Variants in EPHB1 observed in about 807,000 individuals in gnomAD.
EPHB1 encodes ephrin type-B receptor 1.
A neutral mutation model predicts 94.4 loss-of-function variants in EPHB1; 30 were observed. The ratio of observed to expected loss-of-function variants is 0.32; its 90% CI spans 0.24 to 0.43. The LOEUF (loss-of-function observed/expected upper bound fraction) is 0.43, where lower values mean the gene tolerates loss of function less well. Among genes scored for constraint, EPHB1 ranks in the 20% least tolerant of loss-of-function variants. The pLI is 1.00. For missense variants in EPHB1, 1,055 were observed against 1,308.3 expected, an observed-to-expected ratio of 0.81 and a Z score of 2.99; for synonymous variants, 522 against 489.1, an observed-to-expected ratio of 1.07 and a Z score of -0.89.
chr3:135,042,736 C>A (rs1344806623), intron 3 of EPHB1, among the ~76,000 whole-genome samples: 2 of 152,358 alleles, frequency 1.3e-5, no homozygotes, highest in Admixed American at 1.3e-4. Context: ...GCCTTATTAT[C>A]TGGTCTGTCC....
chr3:135,002,228 A>G (rs1004295180), intron 3 of EPHB1, among the ~76,000 whole-genome samples: 3 of 152,102 alleles, frequency 2.0e-5, no homozygotes, highest in Middle Eastern at 3.2e-3. Context: ...CCAGAGAGGG[A>G]GGTGATTGAA....
At chr3:134,843,497 A>T (rs2036814035) in intron 1 of EPHB1, among the ~76,000 whole-genome samples, 1 of 151,954 alleles carries the variant, frequency 6.6e-6, no homozygotes, top group Non-Finnish European at 1.5e-5. Context: ...TCCTATCTGG[A>T]AGTTTTTTTA....
intron 4 of EPHB1, among the ~76,000 whole-genome samples, chr3:135,118,141 C>T (rs577269711): frequency 4.6e-5 from 7 of 152,172 alleles, no homozygotes; most frequent in Non-Finnish European, 8.8e-5. Flanking sequence ...CGCCCACACC[C>T]GGGGACAGGG....
chr3:135,191,097 G>A (rs1425935823), intron 10 of EPHB1, among the ~76,000 whole-genome samples: 1 of 126,538 alleles, frequency 7.9e-6, no homozygotes, highest in African/African-American at 3.0e-5. Flanking sequence ...AAAAAAAAAG[G>A]AGTGGAAGGG....
intron 1 of EPHB1, among the ~76,000 whole-genome samples, chr3:134,813,657 T>G (rs1237907897): frequency 6.6e-6 from 1 of 152,200 alleles, no homozygotes; most frequent in Admixed American, 6.5e-5. Flanking sequence ...TTTCTGGTTC[T>G]TGTTGCATTC....
At chr3:134,952,919 G>A (rs566655539) in intron 3 of EPHB1, among the ~76,000 whole-genome samples, 6 of 152,074 alleles carry the variant, frequency 3.9e-5, no homozygotes, top group South Asian at 2.1e-4. Flanking sequence ...AGCTGAACGT[G>A]GGGGAATCCA....
chr3:135,099,139 T>G (rs924958511), intron 3 of EPHB1, among the ~76,000 whole-genome samples: 1 of 152,186 alleles, frequency 6.6e-6, no homozygotes, highest in Admixed American at 6.5e-5. Flanking sequence ...AGCTTTTATC[T>G]TTTGTGTCTT....
chr3:135,203,653 A>G (rs916142903), intron 12 of EPHB1, among the ~76,000 whole-genome samples: 2 of 152,214 alleles, frequency 1.3e-5, no homozygotes, highest in Admixed American at 1.3e-4. Flanking sequence ...CTTTCAGACC[A>G]TAGTTTACCT....
rs2037073051 is a variant in EPHB1, at chr3:134,854,656, G to A, written c.58+58967G>A. ...TCTGAGTAATCGCTTTGTATGTCCT[G>A]TGGACCCCGTGACCCGTGTAACTGA... On this transcript the variant is annotated intron_variant, in intron 1 of 15. Coordinates refer to ENST00000398015, the MANE Select transcript of EPHB1 (RefSeq NM_004441.5). Among the ~76,000 whole-genome samples, 3 of 152,116 alleles carry A rather than the reference G, an allele frequency of 2.0e-5. No individual in the cohort carries two copies. In the South Asian group the frequency reaches 6.2e-4, roughly 32 times the overall value.
intron 3 of EPHB1, among the ~76,000 whole-genome samples, chr3:135,064,908 A>G (rs2107778801): frequency 6.6e-6 from 1 of 152,174 alleles, no homozygotes; most frequent in East Asian, 1.9e-4. Context: ...TTGTGTCACC[A>G]TTGTCCTTCA....
chr3:135,128,468 TCTCATCAGGATGCTAC>T (rs1419194471), intron 4 of EPHB1, among the ~76,000 whole-genome samples: 1 of 152,150 alleles, frequency 6.6e-6, no homozygotes, highest in Non-Finnish European at 1.5e-5. Context: ...AATATGCCCA[TCTCATCAGGATGCTAC>T]GGCACAGACA....
chr3:135,253,975 A>G (rs1933248060), intron 15 of EPHB1, among the ~76,000 whole-genome samples: 1 of 137,234 alleles, frequency 7.3e-6, no homozygotes, highest in African/African-American at 2.7e-5. Context: ...CTTTGAAGCA[A>G]TTGTGAATGG....
At chr3:134,981,358 G>C (rs1242277733) in intron 3 of EPHB1, among the ~76,000 whole-genome samples, 1 of 152,244 alleles carries the variant, frequency 6.6e-6, no homozygotes, top group Non-Finnish European at 1.5e-5. Flanking sequence ...GTTCATCAAG[G>C]GTAGGCAGGT....
chr3:135,161,317 G>A (rs1054793271), intron 6 of EPHB1, among the ~76,000 whole-genome samples: 2 of 152,124 alleles, frequency 1.3e-5, no homozygotes, highest in African/African-American at 4.8e-5. Context: ...AGGTGGGGGG[G>A]ATGAGGACAC....
chr3:134,956,641 G>A (rs1933287917), intron 3 of EPHB1, among the ~76,000 whole-genome samples: 1 of 152,114 alleles, frequency 6.6e-6, no homozygotes, highest in African/African-American at 2.4e-5. Flanking sequence ...TCTTGGCTCT[G>A]CTGCAAACTT....
At chr3:135,042,067 T>C (rs1362449844) in intron 3 of EPHB1, among the ~76,000 whole-genome samples, 1 of 152,214 alleles carries the variant, frequency 6.6e-6, no homozygotes, top group African/African-American at 2.4e-5. Flanking sequence ...TAGCTGAGAC[T>C]ACAGGCCTGC....
At chr3:134,932,902 T>C (rs1418625480) in intron 2 of EPHB1, among the ~76,000 whole-genome samples, 4 of 152,204 alleles carry the variant, frequency 2.6e-5, no homozygotes, top group South Asian at 4.1e-4. Context: ...GAAGGTGGGG[T>C]TGGCCATGAT....
At chr3:134,802,728 A>C (rs2035958441) in intron 1 of EPHB1, among the ~76,000 whole-genome samples, 1 of 152,134 alleles carries the variant, frequency 6.6e-6, no homozygotes, top group Admixed American at 6.5e-5. Flanking sequence ...TTGTATGTTT[A>C]CTTCTAACTT....
intron 3 of EPHB1, among the ~76,000 whole-genome samples, chr3:135,051,488 A>G (rs1937166309): frequency 6.6e-6 from 1 of 152,206 alleles, no homozygotes; most frequent in Admixed American, 6.5e-5. Context: ...CCTCTCTGAA[A>G]TTTAGGAATG....
Sources: gnomAD v4.1 joint callset for allele counts (sites outside exome capture counted in the v4.1 genomes callset) on GRCh38, gnomAD v4.1.1 for gene constraint, MANE v1.5 for transcripts, NCBI Gene and HGNC (gene_info 2026-07-23, HGNC 2026-07-21) for gene names.